The following CGGBP1 variants were observed in gnomAD, a reference collection of about 807,000 sequenced individuals.
CGGBP1 encodes the protein CGG triplet repeat binding protein 1.
Under a neutral mutation model 11.4 loss-of-function variants are expected in CGGBP1, and 4 were observed. That is an observed-to-expected ratio of 0.35 (90% CI 0.17 to 0.80). The LOEUF is 0.80. Ranked by LOEUF, CGGBP1 falls within the 30% of genes least tolerant of loss-of-function variation. CGGBP1 has a pLI of 0.52. For missense variants in CGGBP1, 135 were observed against 202.1 expected (o/e 0.67, Z 2.01); for synonymous variants, 76 against 74.1 (o/e 1.03, Z -0.13).
intron 2 of CGGBP1, among the ~76,000 whole-genome samples, chr3:88,131,573 C>T (rs2107846042): frequency 6.6e-6 from 1 of 152,170 alleles, no homozygotes; most frequent in South Asian, 2.1e-4. Context: ...CTTGGTAACC[C>T]ATTTCTACTC....
At chr3:88,113,274 G>T in intron 2 of CGGBP1, 1 of 823,938 alleles carries the variant, frequency 1.2e-6, no homozygotes, top group Non-Finnish European at 1.8e-6. Flanking sequence ...ATAGCTTATT[G>T]GTTATTATTG....
intron 2 of CGGBP1, among the ~76,000 whole-genome samples, chr3:88,073,771 T>G (rs565833909): frequency 6.6e-6 from 1 of 152,236 alleles, no homozygotes; most frequent in Admixed American, 6.5e-5. Flanking sequence ...AAAGGAAGAG[T>G]AAAAATTGTT....
intron 2 of CGGBP1, among the ~76,000 whole-genome samples, chr3:88,088,343 AAG>A (rs1315305182): frequency 1.3e-5 from 2 of 152,216 alleles, no homozygotes; most frequent in Admixed American, 6.5e-5. Context: ...TGCAATGAAA[AAG>A]TGAAAAATAA....
At chr3:88,075,198 C>A (rs1707732682) in intron 2 of CGGBP1, among the ~76,000 whole-genome samples, 1 of 152,194 alleles carries the variant, frequency 6.6e-6, no homozygotes, top group Admixed American at 6.5e-5. Context: ...AGTGTGGAAT[C>A]TGTTGAGTGG....
At chr3:88,124,197 T>G (rs1350162200) in intron 2 of CGGBP1, among the ~76,000 whole-genome samples, 1 of 152,172 alleles carries the variant, frequency 6.6e-6, no homozygotes, top group African/African-American at 2.4e-5. Context: ...TCCAAGCACT[T>G]TCTAGTACTG....
At chr3:88,086,172 T>G in intron 2 of CGGBP1, 1 of 1,276,204 alleles carries the variant, frequency 7.8e-7, no homozygotes, top group Non-Finnish European at 1.1e-6. Flanking sequence ...ATATTTTAAT[T>G]TATCCAGTAA....
rs1403835433 is a variant in CGGBP1 at position 88,054,527 on chromosome 3, CTAAA to C, written c.*942_*945del. ...CTTGTTTCTAGTCTAGACTATTCAC[CTAAA>C]TAAACTCATAAAGTTGTAGAGAAAA... On this transcript the variant is annotated 3_prime_UTR_variant, in exon 4 of 4. Coordinates refer to ENST00000482016, the MANE Select transcript of CGGBP1 (RefSeq NM_001008390.2). 3 of 151,958 alleles carry C rather than the reference CTAAA, an allele frequency of 2.0e-5. No individual in the cohort carries two copies. The highest frequency in any genetic ancestry group is 2.9e-5 in the Non-Finnish European group (2 of 67,980). The allele number at this position is 151,958 out of a possible 1,614,324, so 9.4% of individuals were successfully genotyped here. A position where few individuals can be genotyped will look rare whatever the true frequency, so the allele number is the denominator to read the frequency against.
chr3:88,090,551 C>G (rs1708577058), intron 2 of CGGBP1, among the ~76,000 whole-genome samples: 2 of 152,058 alleles, frequency 1.3e-5, no homozygotes, highest in Admixed American at 1.3e-4. Context: ...TATAATAAGG[C>G]TAATTTATTA....
intron 2 of CGGBP1, among the ~76,000 whole-genome samples, chr3:88,132,259 A>G (rs1706509496): frequency 6.6e-6 from 1 of 152,162 alleles, no homozygotes; most frequent in Non-Finnish European, 1.5e-5. Context: ...TCTGTATTGT[A>G]AGGGTGACTG....
At chr3:88,135,155 A>G (rs1190778857) in intron 2 of CGGBP1, 9 of 1,490,952 alleles carry the variant, frequency 6.0e-6, no homozygotes, top group Non-Finnish European at 8.0e-6. Context: ...AAGAACAGCA[A>G]CTAATGTGAG....
At chr3:88,129,873 G>A in intron 2 of CGGBP1, 1 of 1,336,522 alleles carries the variant, frequency 7.5e-7, no homozygotes, top group Non-Finnish European at 9.7e-7. Context: ...ATGGGCAACA[G>A]AAAGGAAATT....
chr3:88,106,180 G>A (rs1704725874), intron 2 of CGGBP1, among the ~76,000 whole-genome samples: 1 of 152,178 alleles, frequency 6.6e-6, no homozygotes, highest in African/African-American at 2.4e-5. Context: ...GGACTAAGAT[G>A]TTCTTGAAGC....
rs544516196 is a variant in CGGBP1, at chr3:88,091,497, G to A, written c.-228-33274C>T. Among the ~76,000 whole-genome samples, 6 of 152,152 alleles carry A rather than the reference G, an allele frequency of 3.9e-5. No individual in the cohort carries two copies. In the South Asian group the frequency reaches 1.2e-3, roughly 32 times the overall value. ...ATCTATATAATCTTTGTTAACTTTA[G>A]TGTTATGTGAAAATTCTTATACAAC... is the stretch of plus-strand genomic sequence containing the variant. On this transcript the variant is annotated intron_variant, in intron 2 of 3. Coordinates refer to the CGGBP1 transcript ENST00000462901.
intron 1 of CGGBP1, chr3:88,142,856 T>C (rs1378024066): frequency 6.6e-6 from 1 of 152,268 alleles, no homozygotes; most frequent in African/African-American, 2.4e-5. Context: ...AGTGATGTTA[T>C]TTTCCTAAGA....
Position 88,123,676 on chromosome 3 carries a change from G to A in CGGBP1, c.-229+17294C>T, listed in dbSNP as rs535141865. ...GAAATACATCTTGACTTAGTCCTAA[G>A]TCCAGTTCTAAGTCCCATAGTACTG... On this transcript the variant is annotated intron_variant, in intron 2 of 3. Coordinates refer to the CGGBP1 transcript ENST00000462901. 5.9e-5 allele frequency among the ~76,000 whole-genome samples: 9 copies of A among 152,230 alleles called. No homozygotes were observed. The South Asian group carries it at 1.9e-3, about 32-fold the overall frequency.
intron 2 of CGGBP1, among the ~76,000 whole-genome samples, chr3:88,091,854 A>G (rs1559703983): frequency 6.6e-6 from 1 of 152,190 alleles, no homozygotes; most frequent in Non-Finnish European, 1.5e-5. Context: ...CTCCTCAGCC[A>G]TGTAGAACTG....
Position 88,058,063 on chromosome 3 carries a change from T to C in CGGBP1, c.-170A>G, listed in dbSNP as rs1576161978. The C allele has an allele frequency of 6.6e-6, 1 of 152,252 alleles. No individual in the cohort carries two copies. The highest frequency in any genetic ancestry group is 6.5e-5 in the Admixed American group (1 of 15,286). 9.4% of individuals were successfully genotyped at this position (152,252 alleles called of 1,614,324 possible). A position where few individuals can be genotyped will look rare whatever the true frequency, so the allele number is the denominator to read the frequency against. On this transcript the variant is annotated 5_prime_UTR_variant, in exon 2 of 4. Coordinates refer to ENST00000482016, the MANE Select transcript of CGGBP1 (RefSeq NM_001008390.2). ...TTTCGTCTTGATACTTAGCAGGGAATGGTCTCCAGAGCGAAACCAGAGACG... is the reference window on the plus strand; with the variant it reads ...TTTCGTCTTGATACTTAGCAGGGAACGGTCTCCAGAGCGAAACCAGAGACG...
At position 88,117,110 on chromosome 3, in the gene CGGBP1, T is replaced by C. The variant is rs371563152; in HGVS notation, c.-229+23860A>G. On this transcript the variant is annotated intron_variant, in intron 2 of 3. Coordinates refer to the CGGBP1 transcript ENST00000462901. ...CGAAAGAACATACAGAGGTAAAATA[T>C]TATATAGAGATGGAACTATCAAATT... is the stretch of plus-strand genomic sequence containing the variant. Among the ~76,000 whole-genome samples, 194 of 152,228 alleles carry C rather than the reference T, an allele frequency of 1.3e-3. 1 individual carries two copies. Among genetic ancestry groups the C allele is most frequent in the Non-Finnish European group, 1.7e-3 (116 of 68,006 alleles).
chr3:88,067,686 C>G (rs776835996), intron 2 of CGGBP1, among the ~76,000 whole-genome samples: 17 of 152,146 alleles, frequency 1.1e-4, no homozygotes, highest in Non-Finnish European at 2.1e-4. Context: ...GAGATCCAAT[C>G]GTTGAATTAA....
Sources: allele counts gnomAD v4.1 joint callset (sites outside exome capture counted in the v4.1 genomes callset), GRCh38; gene constraint gnomAD v4.1.1; transcripts MANE v1.5; gene names NCBI Gene and HGNC (gene_info 2026-07-23, HGNC 2026-07-21).